HEATR1: variants seen among roughly 807,000 people sequenced by gnomAD.
HEATR1 encodes the protein HEAT repeat containing 1.
HEATR1 carries 77 observed loss-of-function variants against 248.2 expected under a neutral mutation model. The observed-to-expected ratio is 0.31, with a 90% CI of 0.26 to 0.37. The LOEUF is 0.37. Ranked by LOEUF, HEATR1 falls within the 10% of genes least tolerant of loss-of-function variation. The probability of loss-of-function intolerance (pLI) is 1.00; values close to 1 mark genes in which losing one functional copy is unlikely to be tolerated. For synonymous variants in HEATR1, 897 were observed against 923.1 expected, an observed-to-expected ratio of 0.97 and a Z score of 0.51; for missense variants, 2,420 against 2,504.9, an observed-to-expected ratio of 0.97 and a Z score of 0.72.
chr1:236,555,673 C>T lies in HEATR1; in HGVS notation c.5650-18G>A, dbSNP rs1403757175. 6.2e-7 allele frequency: 1 copy of T among 1,612,644 alleles called. No individual in the cohort carries two copies. The highest frequency in any genetic ancestry group is 1.1e-5 in the South Asian group (1 of 91,030). On this transcript the variant is annotated intron_variant, in intron 39 of 44. Transcript: ENST00000366582. ...AGATCGTTCTGAAAACAGAAGAGCC[C>T]ATTTATTAGAGTGCTGATACCTGAC...
chr1:236,596,287 T>C (rs978476147), intron 6 of HEATR1, among the ~76,000 whole-genome samples: 1 of 152,158 alleles, frequency 6.6e-6, no homozygotes, highest in Non-Finnish European at 1.5e-5. Context: ...ATCTACCACA[T>C]GTCCTGACAG....
At chr1:236,594,213 C>T (rs940734670) in intron 8 of HEATR1, 99 bp from the exon 9 acceptor site, 4 of 672,274 alleles carry the variant, frequency 5.9e-6, no homozygotes, top group African/African-American at 5.5e-5. Context: ...CAGAATAAAA[C>T]ACACACACTG....
chr1:236,583,206 T>C lies in HEATR1; in HGVS notation c.2242-10A>G. On this transcript the variant is annotated splice_polypyrimidine_tract_variant and intron_variant, in intron 17 of 44. Transcript: ENST00000366582. ...ATTCTGAGGGGATTTCCTGAAATGTTAAAGGAAACAAAAACTAGTACAAAC... is the reference window on the plus strand; with the variant it reads ...ATTCTGAGGGGATTTCCTGAAATGTCAAAGGAAACAAAAACTAGTACAAAC... The C allele has an allele frequency of 3.2e-6, 5 of 1,577,430 alleles. No individual in the cohort carries two copies. Among genetic ancestry groups the C allele is most frequent in the Non-Finnish European group, 4.3e-6 (5 of 1,163,652 alleles).
At chr1:236,576,459 C>A (rs1572042349) in intron 21 of HEATR1, 82 bp from the exon 22 acceptor site, 2 of 1,011,268 alleles carry the variant, frequency 2.0e-6, no homozygotes, top group Middle Eastern at 3.4e-4. Context: ...AAGACTCTTA[C>A]CCAAATGATG....
At chr1:236,598,796 C>G (rs866007422) in intron 4 of HEATR1, among the ~76,000 whole-genome samples, 18 of 152,182 alleles carry the variant, frequency 1.2e-4, no homozygotes, top group African/African-American at 3.1e-4. Context: ...TTGCCTCCCC[C>G]CCTACCCTGG....
intron 3 of HEATR1, 80 bp downstream of exon 3, chr1:236,603,080 T>C (rs1664368201): frequency 9.7e-7 from 1 of 1,031,076 alleles, no homozygotes; most frequent in East Asian, 2.4e-5. Context: ...CAGCTTTAAT[T>C]TGATAAGTTC....
In HEATR1 at chr1:236,581,334, T is replaced by C; in HGVS notation, c.2643A>G (p.Leu881=). The C allele has an allele frequency of 6.2e-7, 1 of 1,612,384 alleles. No homozygotes were observed. Among genetic ancestry groups the C allele is most frequent in the Non-Finnish European group, 8.5e-7 (1 of 1,179,534 alleles). The change falls in exon 20 of 45, where the codon CTA becomes CTG. Residue 881 remains leucine, a synonymous_variant. Transcript: ENST00000366582. ...GCAGCACTGTTTTCACACTGCAGTT[T>C]AGTGGATTTGAAAGGCTAGAACCAT... is the stretch of plus-strand genomic sequence containing the variant. The part of the protein sequence containing the change: ...WTYGSSLSNP[L]NCSVKTVLQT...
Position 236,564,551 on chromosome 1 carries a change from A to G in HEATR1, c.4546T>C (p.Leu1516=). The G allele has an allele frequency of 6.2e-7, 1 of 1,614,070 alleles. No homozygotes were observed. The highest frequency in any genetic ancestry group is 8.5e-7 in the Non-Finnish European group (1 of 1,180,008). Residue 1516 remains leucine, a synonymous_variant, in exon 32 of 45, where the codon TTG becomes CTG. Transcript: ENST00000366582. ...TSKQLRHFKF[L]SVSFMSQLLS... The stretch of plus-strand genomic sequence containing the variant: ...AGCTGAGACATGAAGGACACTGACA[A>G]AAATTTAAAATGCCGCAGTTGCTTG...
intron 25 of HEATR1, 49 bp from the exon 26 acceptor site, chr1:236,572,603 G>T (rs1252006804): frequency 1.2e-6 from 2 of 1,609,582 alleles, no homozygotes; most frequent in African/African-American, 2.7e-5. Flanking sequence ...TCTATCATGT[G>T]CTAAGTAAAA....
rs142256468 is a variant in HEATR1 at position 236,564,552 on chromosome 1, A to G, written c.4545T>C (p.Phe1515=). Residue 1515 remains phenylalanine (F), a synonymous_variant, in exon 32 of 45, where the codon TTT becomes TTC. Transcript: ENST00000366582. ...HTSKQLRHFK[F]LSVSFMSQLL... ...GCTGAGACATGAAGGACACTGACAAAAATTTAAAATGCCGCAGTTGCTTGC... is the reference window on the plus strand; with the variant it reads ...GCTGAGACATGAAGGACACTGACAAGAATTTAAAATGCCGCAGTTGCTTGC... The G allele has an allele frequency of 3.7e-6, 6 of 1,613,916 alleles. No individual in the cohort carries two copies. In the African/African-American group the frequency reaches 8.0e-5, roughly 22 times the overall value.
intron 20 of HEATR1, among the ~76,000 whole-genome samples, chr1:236,577,910 C>T (rs551039257): frequency 6.6e-4 from 100 of 152,274 alleles, no homozygotes; most frequent in African/African-American, 1.8e-3. Context: ...CAACAAACAC[C>T]GCTGCACATA....
chr1:236,581,107 C>T (rs1023678946), intron 20 of HEATR1, 115 bp downstream of exon 20: 15 of 810,884 alleles, frequency 1.8e-5, no homozygotes, highest in Middle Eastern at 3.2e-4. Context: ...CGTGAGATAC[C>T]GCGCCTGCCC....
intron 18 of HEATR1, 56 bp from the exon 19 acceptor site, chr1:236,582,928 C>G (rs892966134): frequency 1.2e-5 from 20 of 1,606,632 alleles, no homozygotes; most frequent in Non-Finnish European, 1.6e-5. Context: ...ATGCTGGGAG[C>G]TTTTTATTCA....
At chr1:236,571,803 C>G in intron 26 of HEATR1, 117 bp from the exon 27 acceptor site, 2 of 703,842 alleles carry the variant, frequency 2.8e-6, no homozygotes, top group Non-Finnish European at 5.0e-6. Context: ...TAAGGAATAA[C>G]TAAAATACTA....
chr1:236,561,284 G>T lies in HEATR1; in HGVS notation c.4600-13C>A. 6.2e-7 allele frequency: 1 copy of T among 1,605,176 alleles called. No homozygotes were observed. The highest frequency in any genetic ancestry group is 1.1e-5 in the South Asian group (1 of 90,864). On this transcript the variant is annotated splice_polypyrimidine_tract_variant and intron_variant, in intron 32 of 44. Coordinates refer to ENST00000366582, the MANE Select transcript of HEATR1 (RefSeq NM_018072.6). ...CACTCTCAACTACCTAATTTTTAAA[G>T]AAGACGTCATTAGAACGGTAGGGAA...
chr1:236,596,075 A>T (rs761054233), intron 6 of HEATR1, 31 bp from the exon 7 acceptor site: 1 of 1,471,084 alleles, frequency 6.8e-7, no homozygotes, highest in Non-Finnish European at 9.4e-7. Context: ...AGGAAAAATG[A>T]TAAACCATAT....
chr1:236,583,097 C>T lies in HEATR1; in HGVS notation c.2341G>A (p.Val781Met). The change falls in exon 18 of 45, where the codon GTG becomes ATG. Residue 781 changes from valine to methionine, a missense_variant. Transcript: ENST00000366582. ...AGAAAAACCGAGTCCTCCACGGCCA[C>T]CCTCTGAGTGCTGTTGAGCTCTTCT... is the stretch of plus-strand genomic sequence containing the variant. The part of the protein sequence containing the change: ...YVEELNSTQR[V>M]AVEDSVFLVF... 1 of 1,614,142 alleles carries T rather than the reference C, an allele frequency of 6.2e-7. No homozygotes were observed. The highest frequency in any genetic ancestry group is 8.5e-7 in the Non-Finnish European group (1 of 1,180,008).
At chr1:236,576,495 C>T (rs1663564973) in intron 21 of HEATR1, 118 bp from the exon 22 acceptor site, 1 of 812,866 alleles carries the variant, frequency 1.2e-6, no homozygotes, top group Non-Finnish European at 1.9e-6. Context: ...TTTTCCATTT[C>T]TCCTTAAAAC....
chr1:236,571,296 T>C (rs756733583), intron 28 of HEATR1, 55 bp downstream of exon 28: 252 of 1,543,580 alleles, frequency 1.6e-4, no homozygotes, highest in South Asian at 1.1e-3. Flanking sequence ...AGTGCATTTC[T>C]GTGGAAGAAA....
Sources: allele counts gnomAD v4.1 joint callset (sites outside exome capture counted in the v4.1 genomes callset), GRCh38; gene constraint gnomAD v4.1.1; transcripts MANE v1.5; gene names NCBI Gene and HGNC (gene_info 2026-07-23, HGNC 2026-07-21).